Variants in ANTXR2 observed in about 807,000 individuals in gnomAD.
The protein encoded by ANTXR2 is ANTXR cell adhesion molecule 2.
In ANTXR2, 44 loss-of-function variants were observed where a neutral mutation model predicts 73.7. The ratio of observed to expected loss-of-function variants is 0.60; its 90% CI spans 0.47 to 0.77. The LOEUF (loss-of-function observed/expected upper bound fraction) is 0.77, where lower values mean the gene tolerates loss of function less well. Ranked by LOEUF, ANTXR2 falls within the 30% of genes least tolerant of loss-of-function variation. ANTXR2 has a pLI of 0.00. For missense variants in ANTXR2, 604 were observed against 592.5 expected, an observed-to-expected ratio of 1.02 and a Z score of -0.20; for synonymous variants, 217 against 205.9, an observed-to-expected ratio of 1.05 and a Z score of -0.46.
chr4:79,999,197 T>A (rs1263599094), intron 12 of ANTXR2, among the ~76,000 whole-genome samples: 2 of 152,022 alleles, frequency 1.3e-5, no homozygotes, highest in East Asian at 3.9e-4. Context: ...TCATCTCGAA[T>A]TGTAATCCCC....
intron 9 of ANTXR2, 125 bp downstream of exon 9, chr4:80,033,347 C>T: frequency 1.5e-6 from 1 of 645,790 alleles, no homozygotes; most frequent in Non-Finnish European, 2.6e-6. Context: ...ATCATTCAGA[C>T]TTCATTTCTT....
chr4:80,059,508 A>G (rs1734145511), intron 3 of ANTXR2, among the ~76,000 whole-genome samples: 1 of 151,864 alleles, frequency 6.6e-6, no homozygotes, highest in Admixed American at 6.6e-5. Context: ...ACAGGCATAT[A>G]CCATTATACC....
chr4:79,951,065 G>T (rs1012003769), intron 16 of ANTXR2, among the ~76,000 whole-genome samples: 2 of 152,056 alleles, frequency 1.3e-5, no homozygotes, highest in Non-Finnish European at 2.9e-5. Context: ...TATACTGCCT[G>T]TCACCAAGAT....
intron 3 of ANTXR2, among the ~76,000 whole-genome samples, chr4:80,068,014 A>C (rs115878464): frequency 0.019 from 2,886 of 152,308 alleles, 81 homozygotes; most frequent in African/African-American, 0.066. Flanking sequence ...AAAAGAAGAA[A>C]GAAAGGAGAA....
At chr4:79,991,704 TG>T (rs1730479101) in intron 12 of ANTXR2, among the ~76,000 whole-genome samples, 2 of 152,094 alleles carry the variant, frequency 1.3e-5, no homozygotes, top group South Asian at 4.1e-4. Flanking sequence ...TCAACCTGGA[TG>T]CCCATCAATG....
intron 7 of ANTXR2, 137 bp from the exon 8 acceptor site, chr4:80,036,169 G>A: frequency 1.3e-5 from 9 of 694,264 alleles, no homozygotes; most frequent in East Asian, 3.1e-5. Flanking sequence ...TAACTATAGC[G>A]TGTACAGCTA....
chr4:79,935,866 T>C (rs1397310986), intron 16 of ANTXR2, among the ~76,000 whole-genome samples: 3 of 152,328 alleles, frequency 2.0e-5, no homozygotes, highest in Admixed American at 6.5e-5. Flanking sequence ...CAATAAAATA[T>C]AGTAAATTTC....
intron 11 of ANTXR2, among the ~76,000 whole-genome samples, chr4:80,011,316 TGTCTATC>T (rs1731573293): frequency 2.7e-5 from 4 of 145,828 alleles, no homozygotes; most frequent in Non-Finnish European, 6.1e-5. Context: ...TCTATCTATC[TGTCTATC>T]ATCTATCTAT....
intron 16 of ANTXR2, among the ~76,000 whole-genome samples, chr4:79,913,290 T>G (rs570211944): frequency 6.6e-6 from 1 of 152,296 alleles, no homozygotes; most frequent in African/African-American, 2.4e-5. Context: ...GGTAGAAAAT[T>G]TATTAATAAA....
At chr4:80,031,953 A>T (rs1489296925) in intron 9 of ANTXR2, among the ~76,000 whole-genome samples, 2 of 151,746 alleles carry the variant, frequency 1.3e-5, no homozygotes, top group Non-Finnish European at 3.0e-5. Flanking sequence ...TAGATACTAT[A>T]AAATATATTT....
At chr4:79,964,748 C>A (rs1729287589) in intron 16 of ANTXR2, 1 of 152,244 alleles carries the variant, frequency 6.6e-6, no homozygotes, top group African/African-American at 2.4e-5. Flanking sequence ...ACAATCCGGC[C>A]GCTAGCTGCG....
chr4:79,995,762 T>A (rs1162751419), intron 12 of ANTXR2, among the ~76,000 whole-genome samples: 1 of 152,018 alleles, frequency 6.6e-6, no homozygotes, highest in Non-Finnish European at 1.5e-5. Flanking sequence ...CATGACTTAT[T>A]ATACATTTAA....
At chr4:80,013,823 A>G (rs570276352) in intron 11 of ANTXR2, among the ~76,000 whole-genome samples, 101 of 152,354 alleles carry the variant, frequency 6.6e-4, no homozygotes, top group Non-Finnish European at 1.1e-3. Context: ...GAGGTTAAAT[A>G]CAAGGCAATG....
At position 80,055,436 on chromosome 4, in the gene ANTXR2, A is replaced by C; in HGVS notation, c.410T>G (p.Leu137Trp). 6.2e-7 allele frequency: 1 copy of C among 1,610,806 alleles called. No homozygotes were observed. Among genetic ancestry groups the C allele is most frequent in the Non-Finnish European group, 8.5e-7 (1 of 1,178,140 alleles). Residue 137 changes from leucine (L) to tryptophan (W), a missense_variant, in exon 5 of 17, where the codon TTG (leucine) becomes TGG (tryptophan). Transcript: ENST00000403729. The part of the protein sequence containing the change: ...ANEQIQKAGG[L>W]KTSSIIIALT... Reference sequence around the variant, plus strand: ...AGCAATTATGATACTGGAGGTTTTCAAGCCTCCTGCTTTCTGAATTTGTTC... The same window carrying C: ...AGCAATTATGATACTGGAGGTTTTCCAGCCTCCTGCTTTCTGAATTTGTTC...
Position 79,952,027 on chromosome 4 carries a change from A to C in ANTXR2, c.1428+25594T>G, listed in dbSNP as rs114482557. Among the ~76,000 whole-genome samples the C allele has an allele frequency of 2.4e-4, 37 of 152,180 alleles. 1 individual carries two copies. Among genetic ancestry groups the C allele is most frequent in the African/African-American group, 7.9e-4 (33 of 41,562 alleles). ...TTTTGGGGTTTCAAAGACTGCCTGA[A>C]AATAGTGGGTACTCAGGAAAAAATG... On this transcript the variant is annotated intron_variant, in intron 16 of 16. Coordinates refer to ENST00000403729, the MANE Select transcript of ANTXR2 (RefSeq NM_058172.6).
intron 11 of ANTXR2, among the ~76,000 whole-genome samples, chr4:80,011,867 G>T (rs1379809804): frequency 3.3e-5 from 5 of 152,186 alleles, no homozygotes; most frequent in African/African-American, 1.2e-4. Context: ...TGATGTCTGG[G>T]ATTAGTGTAT....
At chr4:79,916,820 C>G (rs986934244) in intron 16 of ANTXR2, among the ~76,000 whole-genome samples, 1 of 151,982 alleles carries the variant, frequency 6.6e-6, no homozygotes, top group African/African-American at 2.4e-5. Flanking sequence ...AGTATACACA[C>G]TATAGCATCT....
At chr4:79,933,407 CCA>C (rs1728133151) in intron 16 of ANTXR2, among the ~76,000 whole-genome samples, 1 of 152,076 alleles carries the variant, frequency 6.6e-6, no homozygotes, top group Admixed American at 6.5e-5. Context: ...GAAAACAATA[CCA>C]CCTTAGTTAT....
intron 3 of ANTXR2, among the ~76,000 whole-genome samples, chr4:80,066,750 G>A (rs1734515657): frequency 6.6e-6 from 1 of 151,954 alleles, no homozygotes; most frequent in South Asian, 2.1e-4. Context: ...CATCATCATT[G>A]CCGTCATTAT....
Sources: gnomAD v4.1 joint callset for allele counts (sites outside exome capture counted in the v4.1 genomes callset) on GRCh38, gnomAD v4.1.1 for gene constraint, MANE v1.5 for transcripts, NCBI Gene and HGNC (gene_info 2026-07-23, HGNC 2026-07-21) for gene names.